Variants in GREM2 observed in about 807,000 individuals in gnomAD.
GREM2 encodes gremlin 2, DAN family BMP antagonist.
GREM2 carries 11 observed loss-of-function variants against 14.2 expected under a neutral mutation model. That is an observed-to-expected ratio of 0.78 (90% CI 0.49 to 1.28). The LOEUF is 1.28. GREM2 is among the 50% of genes most tolerant of loss of function. The pLI is 0.00. For missense variants in GREM2, 210 were observed against 218.5 expected (o/e 0.96, Z 0.24); for synonymous variants, 98 against 97.6 (o/e 1.00, Z -0.02).
chr1:240,589,091 C>A (rs1448467716), intron 1 of GREM2: 1 of 152,204 alleles, frequency 6.6e-6, no homozygotes, highest in African/African-American at 2.4e-5. Context: ...CCACTGCACA[C>A]CAGCCTGAGC....
chr1:240,564,066 G>C (rs994173918), intron 1 of GREM2, among the ~76,000 whole-genome samples: 2 of 152,074 alleles, frequency 1.3e-5, no homozygotes, highest in Non-Finnish European at 2.9e-5. Context: ...AAAATTGGCT[G>C]GGTATGGTGG....
chr1:240,565,479 A>T (rs926740207), intron 1 of GREM2, among the ~76,000 whole-genome samples: 3 of 152,172 alleles, frequency 2.0e-5, no homozygotes, highest in African/African-American at 7.2e-5. Flanking sequence ...AGTATCATCA[A>T]TTAAAGCAAT....
At chr1:240,568,878 C>T (rs184379735) in intron 1 of GREM2, among the ~76,000 whole-genome samples, 3 of 152,010 alleles carry the variant, frequency 2.0e-5, no homozygotes, top group African/African-American at 7.2e-5. Context: ...TAGGAACAAA[C>T]ATTTGGAAAT....
At position 240,492,822 on chromosome 1, in the gene GREM2, G is replaced by T; in HGVS notation, c.*147C>A. ...ACTTGCGATCCACGTCTGTGACAAGGACACCGTCAGCCCTAAGAGAAGTGC... is the reference window on the plus strand; with the variant it reads ...ACTTGCGATCCACGTCTGTGACAAGTACACCGTCAGCCCTAAGAGAAGTGC... On this transcript the variant is annotated 3_prime_UTR_variant, in exon 2 of 2. Coordinates refer to ENST00000318160, the MANE Select transcript of GREM2 (RefSeq NM_022469.4). 1 of 784,486 alleles carries T rather than the reference G, an allele frequency of 1.3e-6. No homozygotes were observed. The highest frequency in any genetic ancestry group is 1.7e-6 in the Non-Finnish European group (1 of 578,826). The allele number at this position is 784,486 out of a possible 1,614,324, so 48.6% of individuals were successfully genotyped here. A position where few individuals can be genotyped will look rare whatever the true frequency, so the allele number is the denominator to read the frequency against.
chr1:240,570,447 C>A (rs1224887288), intron 1 of GREM2, among the ~76,000 whole-genome samples: 1 of 152,010 alleles, frequency 6.6e-6, no homozygotes, highest in Non-Finnish European at 1.5e-5. Context: ...GGTGACAAAG[C>A]AAGACTCTCT....
At chr1:240,510,138 G>A (rs1333592660) in intron 1 of GREM2, among the ~76,000 whole-genome samples, 1 of 152,124 alleles carries the variant, frequency 6.6e-6, no homozygotes, top group African/African-American at 2.4e-5. Flanking sequence ...GGGAGGCCGA[G>A]GCGGGCGGAT....
intron 1 of GREM2, among the ~76,000 whole-genome samples, chr1:240,500,348 G>A (rs542291189): frequency 2.0e-5 from 3 of 151,860 alleles, no homozygotes; most frequent in South Asian, 2.1e-4. Context: ...GCCCAGGCTG[G>A]AGTGCAGTGG....
At chr1:240,586,284 C>T (rs1220188189) in intron 1 of GREM2, among the ~76,000 whole-genome samples, 3 of 152,160 alleles carry the variant, frequency 2.0e-5, no homozygotes, top group Non-Finnish European at 4.4e-5. Context: ...ACTAGAAATC[C>T]ATTACTAGCA....
chr1:240,556,294 G>A (rs1051882132), intron 1 of GREM2, among the ~76,000 whole-genome samples: 1 of 152,170 alleles, frequency 6.6e-6, no homozygotes, highest in African/African-American at 2.4e-5. Flanking sequence ...CTAGGCAGAG[G>A]ATGAGCCTTC....
chr1:240,525,335 G>A (rs1207204527), intron 1 of GREM2, among the ~76,000 whole-genome samples: 1 of 152,126 alleles, frequency 6.6e-6, no homozygotes, highest in East Asian at 1.9e-4. Flanking sequence ...TGGATCTTAA[G>A]GCTCTCCTGG....
At chr1:240,602,108 G>T (rs78143892) in intron 1 of GREM2, among the ~76,000 whole-genome samples, 4,269 of 152,134 alleles carry the variant, frequency 0.028, 220 homozygotes, top group African/African-American at 0.099. Flanking sequence ...ATACAGAGAA[G>T]TTCTCAGCTT....
At chr1:240,536,342 G>A (rs1454350756) in intron 1 of GREM2, among the ~76,000 whole-genome samples, 6 of 152,206 alleles carry the variant, frequency 3.9e-5, no homozygotes, top group Non-Finnish European at 7.3e-5. Flanking sequence ...GGGAAGAAAG[G>A]GTCATGCAGC....
intron 1 of GREM2, among the ~76,000 whole-genome samples, chr1:240,608,860 C>G (rs10495473): frequency 6.6e-6 from 1 of 151,914 alleles, no homozygotes; most frequent in Non-Finnish European, 1.5e-5. Flanking sequence ...AGCCATTTGG[C>G]GACCGGAGTC....
chr1:240,578,076 G>A (rs1679405698), intron 1 of GREM2, among the ~76,000 whole-genome samples: 1 of 152,086 alleles, frequency 6.6e-6, no homozygotes, highest in Admixed American at 6.6e-5. Flanking sequence ...TTTTTGTGTT[G>A]TTGTGGTTGT....
intron 1 of GREM2, among the ~76,000 whole-genome samples, chr1:240,547,567 A>G (rs962246276): frequency 5.8e-4 from 87 of 150,586 alleles, no homozygotes; most frequent in Non-Finnish European, 9.5e-4. Context: ...ACAGATAGAT[A>G]TGAATGGAAG....
At chr1:240,574,999 C>A (rs1333899337) in intron 1 of GREM2, among the ~76,000 whole-genome samples, 1 of 151,752 alleles carries the variant, frequency 6.6e-6, no homozygotes, top group African/African-American at 2.4e-5. Context: ...CCCAGGTACT[C>A]GGGAGGCTGA....
intron 1 of GREM2, among the ~76,000 whole-genome samples, chr1:240,608,804 G>A (rs1046681609): frequency 6.6e-6 from 1 of 152,172 alleles, no homozygotes; most frequent in African/African-American, 2.4e-5. Context: ...TCTAGAGTTG[G>A]CTCTCCAAAG....
chr1:240,587,354 C>T (rs1679618586), intron 1 of GREM2, among the ~76,000 whole-genome samples: 1 of 151,282 alleles, frequency 6.6e-6, no homozygotes, highest in South Asian at 2.1e-4. Context: ...CAGAGTCTTG[C>T]TCTGTCACCC....
At chr1:240,520,716 T>C (rs1489322189) in intron 1 of GREM2, among the ~76,000 whole-genome samples, 1 of 151,998 alleles carries the variant, frequency 6.6e-6, no homozygotes, top group Non-Finnish European at 1.5e-5. Context: ...CTAATTTTTG[T>C]ATTTTTAGTA....
Sources: gnomAD v4.1 joint callset for allele counts (sites outside exome capture counted in the v4.1 genomes callset) on GRCh38, gnomAD v4.1.1 for gene constraint, MANE v1.5 for transcripts, NCBI Gene and HGNC (gene_info 2026-07-23, HGNC 2026-07-21) for gene names.